SCTR: variants seen among roughly 807,000 people sequenced by gnomAD.
The protein encoded by SCTR is pancreatic secretin receptor.
Under a neutral mutation model 60.8 loss-of-function variants are expected in SCTR, and 56 were observed. The ratio of observed to expected loss-of-function variants is 0.92; its 90% CI spans 0.74 to 1.15. SCTR has a LOEUF of 1.15. SCTR is among the 50% of genes most tolerant of loss of function. The pLI, the probability that SCTR is intolerant of heterozygous loss-of-function variation, is 0.00. For missense variants in SCTR, 562 were observed against 550.4 expected, an observed-to-expected ratio of 1.02 and a Z score of -0.21; for synonymous variants, 202 against 217.0, an observed-to-expected ratio of 0.93 and a Z score of 0.61.
At position 119,440,130 on chromosome 2, in the gene SCTR, G is replaced by C. The variant is rs761488401; in HGVS notation, c.1310C>G (p.Thr437Ser). The change falls in exon 13 of 13, where the codon ACC becomes AGC. Residue 437 changes from threonine (T) to serine (S), a missense_variant. By Grantham distance (58) the Thr-to-Ser change is moderately conservative (BLOSUM62 1). Transcript: ENST00000019103. ...TGCTCCAGCCTCTCAGATGATGCTG[G>C]TCCTGCAGGTGCCCTGGCTCTGCTC... ...HLEQSQGTCR[T>S]SII is the part of the protein sequence containing the mutation. The C allele has an allele frequency of 6.2e-7, 1 of 1,613,800 alleles. No homozygotes were observed. Among genetic ancestry groups the C allele is most frequent in the Non-Finnish European group, 8.5e-7 (1 of 1,179,906 alleles).
At chr2:119,504,849 A>G (rs542725785) in intron 1 of SCTR, among the ~76,000 whole-genome samples, 2 of 152,368 alleles carry the variant, frequency 1.3e-5, no homozygotes, top group South Asian at 4.1e-4. Context: ...TCTAAAATAT[A>G]CAAAGAATGC....
intron 1 of SCTR, among the ~76,000 whole-genome samples, chr2:119,501,254 C>CA (rs1206922521): frequency 1.3e-5 from 2 of 151,946 alleles, no homozygotes; most frequent in Non-Finnish European, 2.9e-5. Flanking sequence ...ACTAAAAATA[C>CA]AAAAAATTAG....
chr2:119,491,828 T>A (rs1001402191), intron 2 of SCTR, among the ~76,000 whole-genome samples: 3 of 152,190 alleles, frequency 2.0e-5, no homozygotes, highest in Non-Finnish European at 4.4e-5. Flanking sequence ...TCTAATCACT[T>A]GATCCATGTC....
intron 2 of SCTR, among the ~76,000 whole-genome samples, chr2:119,482,708 CG>C (rs1677681540): frequency 6.6e-6 from 1 of 152,178 alleles, no homozygotes; most frequent in South Asian, 2.1e-4. Context: ...AGCAGGGTCT[CG>C]GGAACTCAGC....
intron 10 of SCTR, 129 bp from the exon 11 acceptor site, chr2:119,447,014 T>G (rs777442628): frequency 3.1e-5 from 31 of 984,314 alleles, no homozygotes; most frequent in Admixed American, 3.8e-5. Flanking sequence ...ACCCCAAACT[T>G]TTTTGTTTTC....
At chr2:119,503,241 A>G (rs1678615097) in intron 1 of SCTR, among the ~76,000 whole-genome samples, 1 of 152,108 alleles carries the variant, frequency 6.6e-6, no homozygotes, top group African/African-American at 2.4e-5. Context: ...AGTAATCTTA[A>G]ATACAGATTG....
intron 7 of SCTR, among the ~76,000 whole-genome samples, chr2:119,459,429 T>A (rs10167959): frequency 0.23 from 35,239 of 151,634 alleles, 4,806 homozygotes; most frequent in African/African-American, 0.37. Flanking sequence ...CTTAAAAAAA[T>A]TTTTTTTACA....
At chr2:119,477,910 GGCTTCGAGGGAGCA>G (rs1278772421) in intron 3 of SCTR, among the ~76,000 whole-genome samples, 6 of 152,208 alleles carry the variant, frequency 3.9e-5, no homozygotes, top group African/African-American at 1.4e-4. Context: ...TGTTGAGTGA[GGCTTCGAGGGAGCA>G]GCATGTTCCC....
chr2:119,513,297 A>G (rs1281361210), intron 1 of SCTR, among the ~76,000 whole-genome samples: 1 of 152,190 alleles, frequency 6.6e-6, no homozygotes, highest in Non-Finnish European at 1.5e-5. Context: ...GTATGGGTTT[A>G]TACCTTTTCT....
chr2:119,504,309 G>A (rs573880479), intron 1 of SCTR, among the ~76,000 whole-genome samples: 2 of 152,258 alleles, frequency 1.3e-5, no homozygotes, highest in South Asian at 4.2e-4. Flanking sequence ...AAAAGCATAG[G>A]AGCTCAGCTG....
chr2:119,468,755 T>C (rs1683940931), intron 4 of SCTR, among the ~76,000 whole-genome samples: 1 of 152,190 alleles, frequency 6.6e-6, no homozygotes, highest in South Asian at 2.1e-4. Flanking sequence ...CTAGGCATGT[T>C]ATTTTAAGAG....
intron 2 of SCTR, among the ~76,000 whole-genome samples, chr2:119,484,135 T>C (rs1309238748): frequency 5.3e-5 from 8 of 151,904 alleles, no homozygotes; most frequent in South Asian, 2.1e-4. Flanking sequence ...GCGGCATTCA[T>C]TGAGATAGGG....
At chr2:119,474,608 C>T (rs925510131) in intron 3 of SCTR, among the ~76,000 whole-genome samples, 6 of 152,194 alleles carry the variant, frequency 3.9e-5, no homozygotes, top group Admixed American at 3.9e-4. Flanking sequence ...GCCTTAACAG[C>T]CCCAGCTGAG....
intron 1 of SCTR, among the ~76,000 whole-genome samples, chr2:119,508,018 T>C (rs931057168): frequency 6.6e-6 from 1 of 152,194 alleles, no homozygotes; most frequent in African/African-American, 2.4e-5. Context: ...TCCCTTTCTC[T>C]AGTATAATCA....
intron 9 of SCTR, among the ~76,000 whole-genome samples, chr2:119,451,226 T>G (rs6754957): frequency 0.61 from 92,238 of 151,580 alleles, 29,007 homozygotes; most frequent in Non-Finnish European, 0.69. Context: ...TGGATGTTAC[T>G]TCCAGCCAAG....
At chr2:119,484,659 TCTC>T (rs1270969563) in intron 2 of SCTR, 1 of 129,888 alleles carries the variant, frequency 7.7e-6, no homozygotes, top group Non-Finnish European at 1.8e-5. Flanking sequence ...TCTTTTTTCT[TCTC>T]CTGTTTTTTT....
At chr2:119,490,742 T>A (rs920455668) in intron 2 of SCTR, among the ~76,000 whole-genome samples, 1 of 152,190 alleles carries the variant, frequency 6.6e-6, no homozygotes, top group African/African-American at 2.4e-5. Context: ...TGGAACCTGC[T>A]TGTAACTCCT....
chr2:119,447,716 C>T (rs952474999), intron 10 of SCTR, among the ~76,000 whole-genome samples: 8 of 152,126 alleles, frequency 5.3e-5, no homozygotes, highest in Admixed American at 3.3e-4. Flanking sequence ...AGATTACAGG[C>T]GCCCTCCACC....
At chr2:119,498,033 A>G (rs1327983107) in intron 1 of SCTR, among the ~76,000 whole-genome samples, 1 of 152,170 alleles carries the variant, frequency 6.6e-6, no homozygotes, top group African/African-American at 2.4e-5. Flanking sequence ...ACTGAAGAAC[A>G]CAAACCAGCC....
Sources: allele counts gnomAD v4.1 joint callset (sites outside exome capture counted in the v4.1 genomes callset), GRCh38; gene constraint gnomAD v4.1.1; transcripts MANE v1.5; gene names NCBI Gene and HGNC (gene_info 2026-07-23, HGNC 2026-07-21).